Variants in CNTNAP2 observed in about 807,000 individuals in gnomAD.
The protein encoded by CNTNAP2 is contactin-associated protein-like 2.
A neutral mutation model predicts 155.2 loss-of-function variants in CNTNAP2; 98 were observed. The ratio of observed to expected loss-of-function variants is 0.63; its 90% CI spans 0.54 to 0.75. CNTNAP2 has a LOEUF of 0.75. Among genes scored for constraint, CNTNAP2 ranks in the 30% least tolerant of loss-of-function variants. The pLI is 0.00. For synonymous variants in CNTNAP2, 651 were observed against 631.2 expected (o/e 1.03, Z -0.47); for missense variants, 1,727 against 1,688.1 (o/e 1.02, Z -0.40).
intron 1 of CNTNAP2, among the ~76,000 whole-genome samples, chr7:146,619,715 G>A (rs1392099998): frequency 1.3e-5 from 2 of 152,012 alleles, no homozygotes; most frequent in African/African-American, 2.4e-5. Flanking sequence ...CATCATTCAC[G>A]GCATTTGCAT....
intron 10 of CNTNAP2, among the ~76,000 whole-genome samples, chr7:147,462,629 A>G (rs536386064): frequency 1.5e-4 from 23 of 152,392 alleles, no homozygotes; most frequent in African/African-American, 2.9e-4. Flanking sequence ...GGCAGTTGTC[A>G]TATACCATAG....
chr7:147,493,695 G>A (rs1436934369), intron 11 of CNTNAP2, among the ~76,000 whole-genome samples: 1 of 152,144 alleles, frequency 6.6e-6, no homozygotes, highest in Non-Finnish European at 1.5e-5. Context: ...TAAATTCTAT[G>A]TATTCTTACC....
rs185334768 is a variant in CNTNAP2, at chr7:148,419,832, G to A, written c.*4216G>A. ...CCTTTCTCTCTCCCTGCCTTGGTGG[G>A]ACCCTCCCTGTGTGACCTTGGTCAA... On this transcript the variant is annotated 3_prime_UTR_variant, in exon 24 of 24. Coordinates refer to ENST00000361727, the MANE Select transcript of CNTNAP2 (RefSeq NM_014141.6). 72 of 152,282 alleles carry A rather than the reference G, an allele frequency of 4.7e-4. No individual in the cohort carries two copies. The highest frequency in any genetic ancestry group is 3.4e-3 in the Middle Eastern group (1 of 294). 9.4% of individuals were successfully genotyped at this position (152,282 alleles called of 1,614,324 possible).
intron 1 of CNTNAP2, among the ~76,000 whole-genome samples, chr7:146,679,350 T>C (rs926221186): frequency 1.4e-4 from 20 of 142,334 alleles, no homozygotes; most frequent in African/African-American, 4.7e-4. Flanking sequence ...CTTGTTTCTT[T>C]TTTTTTTTTT....
chr7:147,797,897 T>C (rs879577535), intron 13 of CNTNAP2, among the ~76,000 whole-genome samples: 1 of 152,180 alleles, frequency 6.6e-6, no homozygotes, highest in Admixed American at 6.5e-5. Flanking sequence ...CTGAAGAATA[T>C]GGTAATGACA....
chr7:148,212,249 C>T (rs1039424524), intron 18 of CNTNAP2, among the ~76,000 whole-genome samples: 7 of 151,770 alleles, frequency 4.6e-5, no homozygotes, highest in African/African-American at 1.7e-4. Context: ...TTATGTCAAA[C>T]ATCTGCAAAC....
At chr7:147,751,067 T>TAA (rs1797127362) in intron 13 of CNTNAP2, among the ~76,000 whole-genome samples, 2 of 150,240 alleles carry the variant, frequency 1.3e-5, no homozygotes, top group South Asian at 4.2e-4. Flanking sequence ...ATAATAATAA[T>TAA]AAATAAAATA....
At chr7:148,077,485 T>A (rs1461791764) in intron 15 of CNTNAP2, among the ~76,000 whole-genome samples, 6 of 152,216 alleles carry the variant, frequency 3.9e-5, no homozygotes, top group Admixed American at 3.3e-4. Flanking sequence ...GCTTTGTTGC[T>A]TAAGAGCTGC....
chr7:147,587,304 C>T (rs1330377486), intron 12 of CNTNAP2, among the ~76,000 whole-genome samples: 8 of 152,158 alleles, frequency 5.3e-5, no homozygotes, highest in Non-Finnish European at 1.0e-4. Flanking sequence ...AGACTGGTGA[C>T]AATTTCACTT....
intron 8 of CNTNAP2, among the ~76,000 whole-genome samples, chr7:147,250,024 G>A (rs1402762802): frequency 6.6e-6 from 1 of 152,150 alleles, no homozygotes; most frequent in Admixed American, 6.6e-5. Context: ...CCCCATTGGA[G>A]GCACATCAGA....
At chr7:146,959,597 G>A (rs1278694201) in intron 3 of CNTNAP2, among the ~76,000 whole-genome samples, 1 of 150,820 alleles carries the variant, frequency 6.6e-6, no homozygotes, top group Admixed American at 6.7e-5. Flanking sequence ...GCAGACACCT[G>A]TAATCCCAGC....
intron 3 of CNTNAP2, among the ~76,000 whole-genome samples, chr7:146,935,044 G>T (rs924615549): frequency 2.6e-5 from 4 of 152,206 alleles, no homozygotes; most frequent in African/African-American, 9.6e-5. Context: ...TCATGACCTT[G>T]TGTTCATAAT....
chr7:147,153,378 G>A (rs1270970023), intron 8 of CNTNAP2, among the ~76,000 whole-genome samples: 3 of 152,094 alleles, frequency 2.0e-5, no homozygotes, highest in African/African-American at 4.8e-5. Context: ...TGAAAATACC[G>A]TGAAAAAGAA....
intron 17 of CNTNAP2, among the ~76,000 whole-genome samples, chr7:148,152,903 C>G (rs1805326645): frequency 6.6e-6 from 1 of 151,546 alleles, no homozygotes; most frequent in South Asian, 2.1e-4. Context: ...CGCCTGTAGT[C>G]CCAGCTACTC....
intron 2 of CNTNAP2, among the ~76,000 whole-genome samples, chr7:146,788,874 G>A (rs1802624791): frequency 6.6e-6 from 1 of 151,868 alleles, no homozygotes; most frequent in Non-Finnish European, 1.5e-5. Context: ...CTCTATCTCA[G>A]AACTTATAAT....
At chr7:146,330,933 C>T (rs1026816291) in intron 1 of CNTNAP2, among the ~76,000 whole-genome samples, 2 of 152,148 alleles carry the variant, frequency 1.3e-5, no homozygotes, top group Non-Finnish European at 2.9e-5. Context: ...TAATACTATG[C>T]TTTAATGATT....
intron 11 of CNTNAP2, among the ~76,000 whole-genome samples, chr7:147,522,976 A>G (rs959286071): frequency 2.6e-5 from 4 of 152,194 alleles, no homozygotes; most frequent in African/African-American, 9.7e-5. Flanking sequence ...CAGAGCAACA[A>G]ATTACTCCAG....
Position 147,903,709 on chromosome 7 carries a change from A to T in CNTNAP2, c.2243A>T (p.Asp748Val). 2 of 1,613,738 alleles carry T rather than the reference A, an allele frequency of 1.2e-6. No individual in the cohort carries two copies. The highest frequency in any genetic ancestry group is 1.7e-6 in the Non-Finnish European group (2 of 1,179,858). Residue 748 changes from aspartate (D) to valine (V), a missense_variant, in exon 14 of 24, where the codon GAC (aspartate) becomes GTC (valine). Physicochemically the swap from Asp to Val is radical, Grantham distance 152. Coordinates refer to ENST00000361727, the MANE Select transcript of CNTNAP2 (RefSeq NM_014141.6). Reference sequence around the variant, plus strand: ...AAGTACTACTGTAACTGCGACGCGGACTACAAGCAATGGTGAGTGCCTGCG... The same window carrying T: ...AAGTACTACTGTAACTGCGACGCGGTCTACAAGCAATGGTGAGTGCCTGCG... ...DPKYYCNCDA[D>V]YKQWRKDAGF...
At chr7:147,061,416 C>A (rs1355169404) in intron 4 of CNTNAP2, among the ~76,000 whole-genome samples, 6 of 152,160 alleles carry the variant, frequency 3.9e-5, no homozygotes, top group Non-Finnish European at 8.8e-5. Context: ...CATAAAAGTT[C>A]TCATCCCTTT....
Sources: gnomAD v4.1 joint callset for allele counts (sites outside exome capture counted in the v4.1 genomes callset) on GRCh38, gnomAD v4.1.1 for gene constraint, MANE v1.5 for transcripts, NCBI Gene and HGNC (gene_info 2026-07-23, HGNC 2026-07-21) for gene names.